Variants in MBLAC2 observed in about 807,000 individuals in gnomAD.
MBLAC2 encodes metallo-beta-lactamase domain containing 2.
MBLAC2 carries 24 observed loss-of-function variants against 23.3 expected under a neutral mutation model. The ratio of observed to expected loss-of-function variants is 1.03; its 90% CI spans 0.75 to 1.45. MBLAC2 has a LOEUF of 1.45. Among genes scored for constraint, MBLAC2 ranks in the 40% most tolerant of loss-of-function variants. The pLI is 0.00. For missense variants in MBLAC2, 358 were observed against 370.0 expected, an observed-to-expected ratio of 0.97 and a Z score of 0.27; for synonymous variants, 162 against 150.9, an observed-to-expected ratio of 1.07 and a Z score of -0.54.
chr5:90,470,785 C>CACACAA (rs3220210), intron 1 of MBLAC2, among the ~76,000 whole-genome samples: 2,963 of 148,002 alleles, frequency 0.02, 43 homozygotes, highest in Middle Eastern at 0.031. Context: ...CACACACACA[C>CACACAA]GCTTTCTTTC....
rs1191588658 is a variant in MBLAC2, at chr5:90,474,252, T to C, written c.41A>G (p.Asp14Gly). The C allele has an allele frequency of 2.5e-6, 4 of 1,613,480 alleles. No individual in the cohort carries two copies. The highest frequency in any genetic ancestry group is 1.3e-5 in the African/African-American group (1 of 74,888). The change falls in exon 1 of 2, where the codon GAT becomes GGT. Residue 14 changes from aspartate (D) to glycine (G), a missense_variant. Coordinates refer to ENST00000316610, the MANE Select transcript of MBLAC2 (RefSeq NM_203406.2). The stretch of plus-strand genomic sequence containing the variant: ...ACGTTCTTGAATCCAGAAGATACCA[T>C]CGCCTAGAGACTTGTGGGCGTACCA... ...LEWYAHKSLGDGIFWIQERFY... is the reference protein window; with the variant it reads ...LEWYAHKSLGGGIFWIQERFY...
At chr5:90,464,152 A>C (rs779894378) in intron 1 of MBLAC2, among the ~76,000 whole-genome samples, 14 of 152,232 alleles carry the variant, frequency 9.2e-5, no homozygotes, top group Non-Finnish European at 1.9e-4. Context: ...TCTGTCAATC[A>C]TTTTATAACG....
Position 90,474,403 on chromosome 5 carries a change from A to G in MBLAC2, c.-111T>C. 1.0e-6 allele frequency: 1 copy of G among 1,003,124 alleles called. No individual in the cohort carries two copies. Among genetic ancestry groups the G allele is most frequent in the Admixed American group, 2.3e-5 (1 of 43,458 alleles). The allele number at this position is 1,003,124 out of a possible 1,614,324, so 62.1% of individuals were successfully genotyped here. On this transcript the variant is annotated 5_prime_UTR_variant, in exon 1 of 2. Coordinates refer to ENST00000316610, the MANE Select transcript of MBLAC2 (RefSeq NM_203406.2). ...TGAAGCGGTCTGCCTGCAGCCAGGGAGGAGGCGTAGAGCGAGGCGGGGGCG... is the reference window on the plus strand; with the variant it reads ...TGAAGCGGTCTGCCTGCAGCCAGGGGGGAGGCGTAGAGCGAGGCGGGGGCG...
rs143896588 is a variant in MBLAC2, at chr5:90,459,563, A to G, written c.*1604T>C. 2.0e-5 allele frequency: 3 copies of G among 152,222 alleles called. No homozygotes were observed. Among genetic ancestry groups the G allele is most frequent in the Non-Finnish European group, 2.9e-5 (2 of 67,968 alleles). 9.4% of individuals were successfully genotyped at this position (152,222 alleles called of 1,614,324 possible). On this transcript the variant is annotated 3_prime_UTR_variant, in exon 2 of 2. Coordinates refer to ENST00000316610, the MANE Select transcript of MBLAC2 (RefSeq NM_203406.2). The stretch of plus-strand genomic sequence containing the variant: ...TGACTCAAAAACCCCTCCTCCAGTA[A>G]ACTTTGCCTAACCAAAGTTCACACC...
intron 1 of MBLAC2, chr5:90,471,703 C>T (rs1463723762): frequency 6.6e-6 from 1 of 152,184 alleles, no homozygotes; most frequent in Non-Finnish European, 1.5e-5. Context: ...ATGTGTGTAA[C>T]TGTATACAAA....
chr5:90,474,698 A>C lies in MBLAC2; in HGVS notation c.-406T>G, dbSNP rs1750692494. 4.4e-6 allele frequency: 1 copy of C among 229,398 alleles called. No individual in the cohort carries two copies. Among genetic ancestry groups the C allele is most frequent in the Non-Finnish European group, 8.6e-6 (1 of 115,842 alleles). 14.2% of individuals were successfully genotyped at this position (229,398 alleles called of 1,614,324 possible). On this transcript the variant is annotated 5_prime_UTR_variant, in exon 1 of 2. Coordinates refer to ENST00000316610, the MANE Select transcript of MBLAC2 (RefSeq NM_203406.2). The stretch of plus-strand genomic sequence containing the variant: ...CGCAGTGAGGGTGGGAAGAGCTAGA[A>C]CCGCCCACCCACTGGCTCTGCAGGG...
At chr5:90,469,399 CT>C (rs1216528400) in intron 1 of MBLAC2, among the ~76,000 whole-genome samples, 1 of 151,714 alleles carries the variant, frequency 6.6e-6, no homozygotes, top group Non-Finnish European at 1.5e-5. Flanking sequence ...CTGTACTGAT[CT>C]TTAGTAAGTT....
In MBLAC2 at chr5:90,465,877, A is replaced by G. The variant is rs557446226; in HGVS notation, c.455-4325T>C. Among the ~76,000 whole-genome samples the G allele has an allele frequency of 5.9e-5, 9 of 152,290 alleles. No individual in the cohort carries two copies. In the South Asian group the frequency reaches 6.2e-4, roughly 11 times the overall value. ...ACCATATCCGGTAATCTTAATTTAA[A>G]TTTGATAGCCATACATGGCTAGTGG... On this transcript the variant is annotated intron_variant, in intron 1 of 1. Coordinates refer to ENST00000316610, the MANE Select transcript of MBLAC2 (RefSeq NM_203406.2).
At position 90,461,566 on chromosome 5, in the gene MBLAC2, C is replaced by G. The variant is rs1415035404; in HGVS notation, c.455-14G>C. 1 of 1,590,160 alleles carries G rather than the reference C, an allele frequency of 6.3e-7. No homozygotes were observed. ...TGATCACATCCCCTACAAATGGAAA[C>G]AGAGTTTACAGATAAACATGTTGTA... is the stretch of plus-strand genomic sequence containing the variant. On this transcript the variant is annotated splice_polypyrimidine_tract_variant and intron_variant, in intron 1 of 1. Transcript: ENST00000316610.
Position 90,459,762 on chromosome 5 carries a change from T to C in MBLAC2, c.*1405A>G, listed in dbSNP as rs1750329722. On this transcript the variant is annotated 3_prime_UTR_variant, in exon 2 of 2. Coordinates refer to ENST00000316610, the MANE Select transcript of MBLAC2 (RefSeq NM_203406.2). ...ATATATGTGGCTGTGTGTGTTTGCATGTGGGATTGTGTTTGTGTATGTATA... is the reference window on the plus strand; with the variant it reads ...ATATATGTGGCTGTGTGTGTTTGCACGTGGGATTGTGTTTGTGTATGTATA... 1.3e-5 allele frequency: 2 copies of C among 152,516 alleles called. No individual in the cohort carries two copies. Among genetic ancestry groups the C allele is most frequent in the South Asian group, 2.1e-4 (1 of 4,828 alleles). 9.4% of individuals were successfully genotyped at this position (152,516 alleles called of 1,614,324 possible).
intron 1 of MBLAC2, 43 bp from the exon 2 acceptor site, chr5:90,461,595 T>C (rs2151891164): frequency 6.5e-7 from 1 of 1,550,076 alleles, no homozygotes; most frequent in Non-Finnish European, 8.7e-7. Context: ...TGTTGTATAC[T>C]TGACTTAGCA....
intron 1 of MBLAC2, among the ~76,000 whole-genome samples, chr5:90,471,165 T>A (rs1307129152): frequency 1.3e-5 from 2 of 152,182 alleles, no homozygotes; most frequent in African/African-American, 4.8e-5. Flanking sequence ...AAATCACGAT[T>A]TTTTCACAGT....
Position 90,474,405 on chromosome 5 carries a change from G to A in MBLAC2, c.-113C>T, listed in dbSNP as rs1750663328. ...AAGCGGTCTGCCTGCAGCCAGGGAG[G>A]AGGCGTAGAGCGAGGCGGGGGCGTG... On this transcript the variant is annotated 5_prime_UTR_variant, in exon 1 of 2. Coordinates refer to ENST00000316610, the MANE Select transcript of MBLAC2 (RefSeq NM_203406.2). 9 of 972,132 alleles carry A rather than the reference G, an allele frequency of 9.3e-6. No homozygotes were observed. The highest frequency in any genetic ancestry group is 8.6e-5 in the South Asian group (6 of 69,546). 60.2% of individuals were successfully genotyped at this position (972,132 alleles called of 1,614,324 possible).
chr5:90,473,348 T>A (rs1483382918), intron 1 of MBLAC2: 1 of 320,672 alleles, frequency 3.1e-6, no homozygotes, highest in Non-Finnish European at 5.8e-6. Context: ...TCTCTAAGGC[T>A]ACAGGTGGGA....
Position 90,473,859 on chromosome 5 carries a change from G to C in MBLAC2, c.434C>G (p.Pro145Arg). The change falls in exon 1 of 2, where the codon CCC (proline) becomes CGC (arginine). Residue 145 changes from proline to arginine, a missense_variant. Pro to Arg is a moderately radical substitution (Grantham distance 103). Transcript: ENST00000316610. ...ARQFRVQAVQ[P>R]TLILQDGDVI... ...ATTACCATCCTGCAGGATGAGGGTGGGCTGCACCGCCTGTACCCGGAACTG... is the reference window on the plus strand; with the variant it reads ...ATTACCATCCTGCAGGATGAGGGTGCGCTGCACCGCCTGTACCCGGAACTG... 6.3e-7 allele frequency: 1 copy of C among 1,590,218 alleles called. No homozygotes were observed. The highest frequency in any genetic ancestry group is 8.6e-7 in the Non-Finnish European group (1 of 1,168,804).
chr5:90,473,897 G>T lies in MBLAC2; in HGVS notation c.396C>A (p.Gly132=). 6.2e-7 allele frequency: 1 copy of T among 1,606,060 alleles called. No homozygotes were observed. The highest frequency in any genetic ancestry group is 8.5e-7 in the Non-Finnish European group (1 of 1,176,980). The change falls in exon 1 of 2, where the codon GGC becomes GGA. Residue 132 remains glycine (G), a synonymous_variant. Coordinates refer to ENST00000316610, the MANE Select transcript of MBLAC2 (RefSeq NM_203406.2). ...GTACCCGGAACTGTCTGGCCCTCCA[G>T]CCGGGGCTGGGCGTCCGCACCACCT... ...DSEVVRTPSP[G]WRARQFRVQA...
intron 1 of MBLAC2, among the ~76,000 whole-genome samples, chr5:90,470,019 G>A (rs893186311): frequency 3.9e-5 from 6 of 152,108 alleles, no homozygotes; most frequent in African/African-American, 1.2e-4. Flanking sequence ...AAGACAATGT[G>A]GGAAAATATA....
In MBLAC2 at chr5:90,458,819, G is replaced by C. The variant is rs937562167; in HGVS notation, c.*2348C>G. On this transcript the variant is annotated 3_prime_UTR_variant, in exon 2 of 2. Transcript: ENST00000316610. ...TGCATATTTTAAATGTACAGCATGGGCACTCAATAAATGATATACTTTACC... is the reference window on the plus strand; with the variant it reads ...TGCATATTTTAAATGTACAGCATGGCCACTCAATAAATGATATACTTTACC... The C allele has an allele frequency of 6.6e-6, 1 of 152,126 alleles. No individual in the cohort carries two copies. The highest frequency in any genetic ancestry group is 2.4e-5 in the African/African-American group (1 of 41,390). The allele number at this position is 152,126 out of a possible 1,614,324, so 9.4% of individuals were successfully genotyped here.
chr5:90,463,622 T>C (rs753761302), intron 1 of MBLAC2, among the ~76,000 whole-genome samples: 1 of 152,228 alleles, frequency 6.6e-6, no homozygotes, highest in African/African-American at 2.4e-5. Context: ...CGTATTGCTT[T>C]AAATGCTTAT....
Sources: gnomAD v4.1 joint callset for allele counts (sites outside exome capture counted in the v4.1 genomes callset) on GRCh38, gnomAD v4.1.1 for gene constraint, MANE v1.5 for transcripts, NCBI Gene and HGNC (gene_info 2026-07-23, HGNC 2026-07-21) for gene names.